The following PIK3C2G variants were observed in gnomAD, a reference collection of about 807,000 sequenced individuals.
PIK3C2G encodes phosphatidylinositol-4-phosphate 3-kinase catalytic subunit type 2 gamma.
PIK3C2G carries 168 observed loss-of-function variants against 181.1 expected under a neutral mutation model. The observed-to-expected ratio is 0.93, with a 90% CI of 0.82 to 1.05. PIK3C2G has a LOEUF of 1.05. PIK3C2G is among the 50% of genes least tolerant of loss of function. The pLI is 0.00. For synonymous variants in PIK3C2G, 573 were observed against 592.2 expected, an observed-to-expected ratio of 0.97 and a Z score of 0.47; for missense variants, 1,869 against 1,732.8, an observed-to-expected ratio of 1.08 and a Z score of -1.40.
At chr12:18,521,406 C>G (rs1407653245) in intron 24 of PIK3C2G, among the ~76,000 whole-genome samples, 3 of 152,224 alleles carry the variant, frequency 2.0e-5, no homozygotes, top group Non-Finnish European at 4.4e-5. Context: ...CTTAGGGGCT[C>G]AGGCCCAGGG....
At chr12:18,440,945 A>G (rs750321289) in intron 18 of PIK3C2G, among the ~76,000 whole-genome samples, 104 of 152,306 alleles carry the variant, frequency 6.8e-4, no homozygotes, top group Non-Finnish European at 1.2e-3. Flanking sequence ...GTTCAAAGCC[A>G]CATTAACAGA....
chr12:18,350,823 A>G (rs1940150517), intron 11 of PIK3C2G, among the ~76,000 whole-genome samples: 1 of 152,218 alleles, frequency 6.6e-6, no homozygotes. Context: ...GAAAGATGCA[A>G]CAAAGTAATA....
intron 25 of PIK3C2G, among the ~76,000 whole-genome samples, chr12:18,541,359 A>G (rs1001955764): frequency 3.3e-5 from 5 of 152,018 alleles, no homozygotes; most frequent in African/African-American, 1.2e-4. Context: ...TAAAAGTAAC[A>G]TCTGTAGGAG....
intron 1 of PIK3C2G, among the ~76,000 whole-genome samples, chr12:18,251,553 T>A (rs1334764430): frequency 6.6e-6 from 1 of 152,040 alleles, no homozygotes; most frequent in Non-Finnish European, 1.5e-5. Flanking sequence ...GTCCCACTCT[T>A]ACTTTTATGA....
intron 15 of PIK3C2G, among the ~76,000 whole-genome samples, chr12:18,396,997 T>C (rs1448312158): frequency 6.6e-6 from 1 of 151,860 alleles, no homozygotes; most frequent in Non-Finnish European, 1.5e-5. Context: ...AAGTCTCACT[T>C]CATAACTTGT....
At chr12:18,503,546 T>C in intron 23 of PIK3C2G, 129 bp downstream of exon 23, 1 of 564,218 alleles carries the variant, frequency 1.8e-6, no homozygotes, top group Non-Finnish European at 2.9e-6. Context: ...AGCCCAGTAA[T>C]TAATTAATCA....
At chr12:18,564,851 C>T (rs565353793) in intron 28 of PIK3C2G, among the ~76,000 whole-genome samples, 29 of 152,256 alleles carry the variant, frequency 1.9e-4, no homozygotes, top group African/African-American at 5.5e-4. Context: ...CTTTGTTTAA[C>T]GGCTATCCTT....
chr12:18,701,797 A>G, the PIK3C2G span: 1 of 1,581,850 alleles, frequency 6.3e-7, no homozygotes, highest in Non-Finnish European at 8.6e-7. Flanking sequence ...AATTTGAGAG[A>G]TACAATTACA....
chr12:18,477,024 T>C (rs1245328092), intron 18 of PIK3C2G, among the ~76,000 whole-genome samples: 2 of 152,128 alleles, frequency 1.3e-5, no homozygotes, highest in Non-Finnish European at 2.9e-5. Flanking sequence ...GCTTGCTTTC[T>C]GGTGAGGCCT....
the PIK3C2G span, chr12:18,684,218 C>A: frequency 6.2e-7 from 1 of 1,611,666 alleles, no homozygotes; most frequent in East Asian, 2.2e-5. Context: ...CAAAACGTAT[C>A]AATGCCAATT....
intron 29 of PIK3C2G, 60 bp downstream of exon 29, chr12:18,567,117 C>T (rs1216068038): frequency 3.6e-6 from 3 of 833,882 alleles, no homozygotes; most frequent in South Asian, 3.2e-5. Flanking sequence ...ATATTTTATT[C>T]GTGAGTGTGG....
At chr12:18,719,934 C>T in the PIK3C2G span, among the ~76,000 whole-genome samples, 5 of 152,016 alleles carry the variant, frequency 3.3e-5, no homozygotes, top group African/African-American at 1.2e-4. Context: ...ACAAGCTACA[C>T]ATCTGGATGA....
At chr12:18,594,688 A>C (rs929181257) in intron 30 of PIK3C2G, 119 bp downstream of exon 30, 3 of 506,490 alleles carry the variant, frequency 5.9e-6, no homozygotes, top group Non-Finnish European at 1.0e-5. Flanking sequence ...GTAAGACTTT[A>C]ATACTCTTTT....
intron 4 of PIK3C2G, 38 bp from the exon 5 acceptor site, chr12:18,293,863 C>T (rs751986095): frequency 1.2e-5 from 12 of 995,790 alleles, no homozygotes; most frequent in Non-Finnish European, 1.9e-5. Flanking sequence ...GTATATGATA[C>T]ACTTTTATTG....
intron 1 of PIK3C2G, among the ~76,000 whole-genome samples, chr12:18,250,405 A>G (rs1027505748): frequency 5.3e-5 from 8 of 152,092 alleles, no homozygotes; most frequent in Non-Finnish European, 7.4e-5. Flanking sequence ...GAAAAATAAT[A>G]TATAGTTCTC....
intron 11 of PIK3C2G, among the ~76,000 whole-genome samples, chr12:18,360,867 G>A (rs1166461278): frequency 6.6e-6 from 1 of 152,088 alleles, no homozygotes; most frequent in Non-Finnish European, 1.5e-5. Context: ...CTTCTTCATA[G>A]TTGGCATCCA....
intron 4 of PIK3C2G, among the ~76,000 whole-genome samples, chr12:18,292,378 C>T (rs888601089): frequency 4.0e-5 from 6 of 151,482 alleles, no homozygotes; most frequent in African/African-American, 9.7e-5. Flanking sequence ...ATAATTGCTT[C>T]TCATATTCCT....
chr12:18,711,721 G>A, the PIK3C2G span, among the ~76,000 whole-genome samples: 1 of 151,796 alleles, frequency 6.6e-6, no homozygotes, highest in Non-Finnish European at 1.5e-5. Flanking sequence ...AAATATCAGG[G>A]AGCTCAATTT....
At chr12:18,590,108 A>C (rs1215278735) in intron 29 of PIK3C2G, among the ~76,000 whole-genome samples, 1 of 147,474 alleles carries the variant, frequency 6.8e-6, no homozygotes, top group African/African-American at 2.5e-5. Context: ...TACAGTAGTT[A>C]AATTCAGAGT....
Sources: allele counts gnomAD v4.1 joint callset (sites outside exome capture counted in the v4.1 genomes callset), GRCh38; gene constraint gnomAD v4.1.1; transcripts MANE v1.5; gene names NCBI Gene and HGNC (gene_info 2026-07-23, HGNC 2026-07-21).